BIRC6: variants seen among roughly 807,000 people sequenced by gnomAD.
BIRC6 encodes baculoviral IAP repeat containing 6, also known as dual E2 ubiquitin-conjugating enzyme/E3 ubiquitin-protein ligase BIRC6.
BIRC6 carries 98 observed loss-of-function variants against 503.3 expected under a neutral mutation model. The ratio of observed to expected loss-of-function variants is 0.19; its 90% CI spans 0.17 to 0.23. BIRC6 has a LOEUF of 0.23. Among genes scored for constraint, BIRC6 ranks in the 10% least tolerant of loss-of-function variants. The pLI, the probability that BIRC6 is intolerant of heterozygous loss-of-function variation, is 1.00. For missense variants in BIRC6, 5,360 were observed against 5,806.0 expected (o/e 0.92, Z 2.50); for synonymous variants, 2,240 against 2,078.7 (o/e 1.08, Z -2.11).
rs1487036020 is a variant in BIRC6, at chr2:32,414,772, A to G, written c.1481A>G (p.His494Arg). ...TGAATATTGTTCCTTTTTAAAGGGCATACATCACAGAAGGAAGCCATGGAA... is the reference window on the plus strand; with the variant it reads ...TGAATATTGTTCCTTTTTAAAGGGCGTACATCACAGAAGGAAGCCATGGAA... ...EHSRSDSVTG[H>R]TSQKEAMEVS... Residue 494 changes from histidine to arginine, a missense_variant, in exon 10 of 74, where the codon CAT becomes CGT. Coordinates refer to ENST00000421745, the MANE Select transcript of BIRC6 (RefSeq NM_016252.4). 2.5e-6 allele frequency: 4 copies of G among 1,610,516 alleles called. No homozygotes were observed. Among genetic ancestry groups the G allele is most frequent in the African/African-American group, 2.7e-5 (2 of 74,804 alleles).
chr2:32,415,591 A>G lies in BIRC6; in HGVS notation c.2300A>G (p.Asn767Ser). Residue 767 changes from asparagine to serine, a missense_variant, in exon 10 of 74, where the codon AAT (asparagine) becomes AGT (serine). By Grantham distance (46) the Asn-to-Ser change is conservative. Around this residue, in one of 16 missense-constraint regions of BIRC6, gnomAD observed 700 missense variants for 739.3 expected, o/e 0.95. Coordinates refer to ENST00000421745, the MANE Select transcript of BIRC6 (RefSeq NM_016252.4). ...GCAATAAATCAAGTAGAGGCCTTGAATAATTTAAATAAATTAAACTCTGCA... is the reference window on the plus strand; with the variant it reads ...GCAATAAATCAAGTAGAGGCCTTGAGTAATTTAAATAAATTAAACTCTGCA... Reference protein sequence around the residue: ...LSAINQVEALNNLNKLNSALC... With the variant: ...LSAINQVEALSNLNKLNSALC... The G allele has an allele frequency of 1.2e-6, 2 of 1,613,880 alleles. No individual in the cohort carries two copies. Among genetic ancestry groups the G allele is most frequent in the Non-Finnish European group, 1.7e-6 (2 of 1,179,792 alleles).
chr2:32,535,113 C>T (rs2057109145), intron 61 of BIRC6, among the ~76,000 whole-genome samples: 1 of 123,950 alleles, frequency 8.1e-6, no homozygotes, highest in Non-Finnish European at 1.6e-5. Context: ...TCCAGACCAC[C>T]TGGGCAACAT....
At position 32,510,687 on chromosome 2, in the gene BIRC6, A is replaced by G. The variant is rs1019869749; in HGVS notation, c.10346+53A>G. The G allele has an allele frequency of 4.0e-5, 48 of 1,195,798 alleles. No homozygotes were observed. In the Admixed American group the frequency reaches 4.6e-4, roughly 12 times the overall value. 74.1% of individuals were successfully genotyped at this position (1,195,798 alleles called of 1,614,324 possible). ...GCACACACATGCACATAATCATGCT[A>G]TAGTAAATGTTTCTGACAGTTTTTC... On this transcript the variant is annotated intron_variant, in intron 53 of 73. Coordinates refer to ENST00000421745, the MANE Select transcript of BIRC6 (RefSeq NM_016252.4).
At chr2:32,474,326 C>T (rs2049476139) in intron 33 of BIRC6, among the ~76,000 whole-genome samples, 1 of 152,020 alleles carries the variant, frequency 6.6e-6, no homozygotes, top group South Asian at 2.1e-4. Flanking sequence ...CTTTTTGAGA[C>T]CTTTAACCAA....
chr2:32,565,127 C>T (rs1297005395), intron 65 of BIRC6: 1 of 152,150 alleles, frequency 6.6e-6, no homozygotes, highest in Non-Finnish European at 1.5e-5. Context: ...GGGATCTTCC[C>T]TCTCATGCTA....
Position 32,471,127 on chromosome 2 carries a change from A to C in BIRC6, c.6592+3A>C, listed in dbSNP as rs1485253441. The C allele has an allele frequency of 1.9e-6, 3 of 1,560,776 alleles. No individual in the cohort carries two copies. The highest frequency in any genetic ancestry group is 2.6e-6 in the Non-Finnish European group (3 of 1,150,760). On this transcript the variant is annotated splice_donor_region_variant and intron_variant, in intron 32 of 73. Coordinates refer to ENST00000421745, the MANE Select transcript of BIRC6 (RefSeq NM_016252.4). ...AGCTGCAAAGAAACCTTTGAATGGT[A>C]AAGACAGGGAGAGGTTTCTGACAGG...
intron 67 of BIRC6, among the ~76,000 whole-genome samples, chr2:32,594,829 T>C (rs1199550120): frequency 6.6e-6 from 1 of 152,204 alleles, no homozygotes; most frequent in East Asian, 1.9e-4. Flanking sequence ...ATGTTTTTGC[T>C]TTATTGTTAT....
chr2:32,394,757 G>A (rs940938283), intron 5 of BIRC6, among the ~76,000 whole-genome samples: 4 of 152,228 alleles, frequency 2.6e-5, no homozygotes, highest in African/African-American at 7.2e-5. Flanking sequence ...TTGTGCCCAC[G>A]AGTTCAGGGC....
intron 3 of BIRC6, among the ~76,000 whole-genome samples, chr2:32,383,128 G>T: frequency 6.7e-6 from 1 of 148,766 alleles, no homozygotes; most frequent in East Asian, 2.0e-4. Flanking sequence ...CTCACTGCAA[G>T]TTCCACCTCC....
chr2:32,473,082 T>G, intron 32 of BIRC6, 30 bp from the exon 33 acceptor site: 3 of 1,526,338 alleles, frequency 2.0e-6, no homozygotes, highest in South Asian at 1.3e-5. Context: ...TTTAACAGAA[T>G]TATTAATACA....
At chr2:32,561,010 CAACATAGTGA>C (rs1213630003) in intron 65 of BIRC6, among the ~76,000 whole-genome samples, 1 of 151,612 alleles carries the variant, frequency 6.6e-6, no homozygotes, top group Non-Finnish European at 1.5e-5. Flanking sequence ...CCAGCCTGGC[CAACATAGTGA>C]AACCCCATCT....
chr2:32,435,702 A>C (rs1017265833), intron 14 of BIRC6, 117 bp downstream of exon 14: 198 of 1,083,178 alleles, frequency 1.8e-4, no homozygotes, highest in Non-Finnish European at 2.4e-4. Flanking sequence ...GAACACAATT[A>C]AAAAATAACC....
At chr2:32,508,536 A>G (rs867696811) in intron 51 of BIRC6, among the ~76,000 whole-genome samples, 1 of 151,892 alleles carries the variant, frequency 6.6e-6, no homozygotes, top group Middle Eastern at 3.4e-3. Context: ...TCTGGCTTGT[A>G]ATTTTTTGTA....
chr2:32,465,204 TGCTTAGTCTGCCGGC>T, intron 26 of BIRC6, 40 bp downstream of exon 26: 1 of 1,010,800 alleles, frequency 9.9e-7, no homozygotes, highest in South Asian at 1.8e-5. Context: ...TTTTTTTTTT[TGCTTAGTCTGCCGGC>T]CTTTTAAAGA....
At chr2:32,614,653 C>T (rs894253134) in intron 73 of BIRC6, among the ~76,000 whole-genome samples, 10 of 149,810 alleles carry the variant, frequency 6.7e-5, no homozygotes, top group African/African-American at 2.4e-4. Flanking sequence ...CATGGTGAAA[C>T]CCCAACTCTA....
chr2:32,500,010 G>C lies in BIRC6; in HGVS notation c.8932G>C (p.Ala2978Pro). 1 of 1,613,982 alleles carries C rather than the reference G, an allele frequency of 6.2e-7. No homozygotes were observed. The highest frequency in any genetic ancestry group is 8.5e-7 in the Non-Finnish European group (1 of 1,179,876). ...CAGTACCAGTGTTCAAGGATCGCCT[G>C]CATATGTTGCTGACTTAGTCTTAGC... ...GSSTSVQGSP[A>P]YVADLVLANQ... Residue 2978 changes from alanine to proline, a missense_variant, in exon 46 of 74, where the codon GCA (alanine) becomes CCA (proline). Ala to Pro is a conservative substitution (Grantham distance 27). Around this residue, in one of 16 missense-constraint regions of BIRC6, gnomAD observed 2,299 missense variants for 2,267.2 expected, o/e 1.01. Coordinates refer to ENST00000421745, the MANE Select transcript of BIRC6 (RefSeq NM_016252.4).
In BIRC6 at chr2:32,529,693, C is replaced by G; in HGVS notation, c.11963C>G (p.Thr3988Ser). The G allele has an allele frequency of 6.2e-7, 1 of 1,611,738 alleles. No individual in the cohort carries two copies. The highest frequency in any genetic ancestry group is 8.5e-7 in the Non-Finnish European group (1 of 1,179,174). ...GAAATGACACTTGCCCAGCTTTTAA[C>G]TCTCCTATATGACCGAAAACTTCCT... ...PAEMTLAQLL[T>S]LLYDRKLPQG... is the part of the protein sequence containing the mutation. Residue 3988 changes from threonine to serine, a missense_variant, in exon 60 of 74, where the codon ACT becomes AGT. Physicochemically the swap from Thr to Ser is moderately conservative, Grantham distance 58 (BLOSUM62 1). Around this residue, in one of 16 missense-constraint regions of BIRC6, gnomAD observed 878 missense variants for 928.9 expected, o/e 0.95. Transcript: ENST00000421745.
intron 65 of BIRC6, among the ~76,000 whole-genome samples, chr2:32,551,658 A>G (rs973695142): frequency 6.6e-6 from 1 of 152,182 alleles, no homozygotes; most frequent in Non-Finnish European, 1.5e-5. Context: ...CTATTTTGGA[A>G]AATTAGTCTA....
chr2:32,506,223 C>T (rs1360826454), intron 50 of BIRC6, among the ~76,000 whole-genome samples: 1 of 152,162 alleles, frequency 6.6e-6, no homozygotes, highest in Non-Finnish European at 1.5e-5. Flanking sequence ...AATTAATACA[C>T]ATGCTTACAT....
Sources: gnomAD v4.1 joint callset for allele counts (sites outside exome capture counted in the v4.1 genomes callset) on GRCh38, gnomAD v4.1.1 for gene constraint, gnomAD v4.1.1 regional missense constraint, MANE v1.5 for transcripts, NCBI Gene and HGNC (gene_info 2026-07-23, HGNC 2026-07-21) for gene names.